Variants in ANKRD31 observed in about 807,000 individuals in gnomAD.
ANKRD31 encodes the protein ankyrin repeat domain 31.
A neutral mutation model predicts 186.0 loss-of-function variants in ANKRD31; 147 were observed. The ratio of observed to expected loss-of-function variants is 0.79; its 90% CI spans 0.69 to 0.91. ANKRD31 has a LOEUF of 0.91. Ranked by LOEUF, ANKRD31 falls within the 40% of genes least tolerant of loss-of-function variation. The pLI, the probability that ANKRD31 is intolerant of heterozygous loss-of-function variation, is 0.00. For synonymous variants in ANKRD31, 673 were observed against 736.4 expected (o/e 0.91, Z 1.39); for missense variants, 1,986 against 2,148.8 (o/e 0.92, Z 1.50).
chr5:75,146,268 T>A lies in ANKRD31; in HGVS notation c.3143A>T (p.Gln1048Leu). ...IPRAPTFLMN[Q>L]TDTHIVEKMA... ...CTTTTCCACAATATGTGTATCTGTTTGATTCATTAAAAAAGTTGGTGCTCT... is the reference window on the plus strand; with the variant it reads ...CTTTTCCACAATATGTGTATCTGTTAGATTCATTAAAAAAGTTGGTGCTCT... The change falls in exon 14 of 26, where the codon CAA (glutamine) becomes CTA (leucine). Residue 1048 changes from glutamine to leucine, a missense_variant. By Grantham distance (113) the Gln-to-Leu change is moderately radical. Transcript: ENST00000506364. The A allele has an allele frequency of 1.3e-6, 2 of 1,536,504 alleles. 1 individual carries two copies. The highest frequency in any genetic ancestry group is 2.4e-5 in the South Asian group (2 of 84,048).
At chr5:75,227,722 C>G (rs1443339534) in intron 2 of ANKRD31, among the ~76,000 whole-genome samples, 1 of 152,134 alleles carries the variant, frequency 6.6e-6, no homozygotes, top group African/African-American at 2.4e-5. Context: ...TCCTTTACTG[C>G]AGAGGTCCCC....
chr5:75,158,281 C>T (rs1752330446), intron 11 of ANKRD31, among the ~76,000 whole-genome samples: 1 of 152,090 alleles, frequency 6.6e-6, no homozygotes, highest in South Asian at 2.1e-4. Flanking sequence ...CAGTAATTGA[C>T]CACTAAATGG....
chr5:75,231,212 G>A (rs1757932910), intron 1 of ANKRD31, among the ~76,000 whole-genome samples: 1 of 151,914 alleles, frequency 6.6e-6, no homozygotes, highest in Admixed American at 6.6e-5. Context: ...TGGGACTACA[G>A]GTGTGCACCA....
At chr5:75,079,662 G>T (rs1282599822) in intron 25 of ANKRD31, among the ~76,000 whole-genome samples, 1 of 152,122 alleles carries the variant, frequency 6.6e-6, no homozygotes. Flanking sequence ...TTTTAGTAGA[G>T]ATGGGGTTTC....
chr5:75,150,627 T>C (rs1476470992), intron 12 of ANKRD31, among the ~76,000 whole-genome samples: 2 of 151,938 alleles, frequency 1.3e-5, no homozygotes, highest in African/African-American at 4.8e-5. Flanking sequence ...GGGATTCCTT[T>C]ACATGAAAGA....
Position 75,104,855 on chromosome 5 carries a change from T to C in ANKRD31, c.4704A>G (p.Glu1568=), listed in dbSNP as rs1015599121. ...CLNSEAVRRG[E]FSGNDMNSKQ... ...TAGAATTCATATCATTTCCAGAAAA[T>C]TCTCCCCTTCTCACTGCCTCTGAAT... The change falls in exon 22 of 26, where the codon GAA becomes GAG. Residue 1568 remains glutamate, a synonymous_variant. Coordinates refer to ENST00000506364, the MANE Select transcript of ANKRD31 (RefSeq NM_001372053.1). The C allele has an allele frequency of 6.5e-7, 1 of 1,537,212 alleles. No homozygotes were observed. The highest frequency in any genetic ancestry group is 1.2e-5 in the South Asian group (1 of 84,046).
At chr5:75,180,560 A>C (rs955800609) in intron 10 of ANKRD31, among the ~76,000 whole-genome samples, 1 of 152,184 alleles carries the variant, frequency 6.6e-6, no homozygotes, top group African/African-American at 2.4e-5. Context: ...AACAGAACAG[A>C]GCCCTCAGAA....
At chr5:75,174,998 G>C (rs1052669388) in intron 10 of ANKRD31, among the ~76,000 whole-genome samples, 1 of 152,210 alleles carries the variant, frequency 6.6e-6, no homozygotes. Context: ...ATCAGTGATA[G>C]ATTGGATTAA....
intron 15 of ANKRD31, among the ~76,000 whole-genome samples, chr5:75,141,586 C>T (rs776847827): frequency 1.3e-5 from 2 of 151,798 alleles, no homozygotes; most frequent in South Asian, 2.1e-4. Flanking sequence ...GTGAGTGAGT[C>T]GAGATCGTGC....
chr5:75,168,344 T>C (rs1753070356), intron 11 of ANKRD31, among the ~76,000 whole-genome samples: 1 of 152,234 alleles, frequency 6.6e-6, no homozygotes, highest in Admixed American at 6.5e-5. Flanking sequence ...TAACAAGATA[T>C]CTTCAGCAAG....
intron 10 of ANKRD31, among the ~76,000 whole-genome samples, chr5:75,185,431 G>A (rs545274493): frequency 5.3e-5 from 8 of 152,176 alleles, no homozygotes; most frequent in East Asian, 3.9e-4. Flanking sequence ...GGTGGCGGGC[G>A]CCTGTAATCC....
rs1436289648 is a variant in ANKRD31, at chr5:75,118,397, AG to A, written c.3877-101del. ...CTGCCAAGCATTAAAAGCTATCAAAAGAATGTTTTCAAACTCAGGTCAAGAA... is the reference window on the plus strand; with the variant it reads ...CTGCCAAGCATTAAAAGCTATCAAAAAATGTTTTCAAACTCAGGTCAAGAA... On this transcript the variant is annotated intron_variant, in intron 17 of 25. Transcript: ENST00000506364. 15 of 1,155,988 alleles carry A rather than the reference AG, an allele frequency of 1.3e-5. No homozygotes were observed. In the African/African-American group the frequency reaches 2.4e-4, roughly 18 times the overall value. The allele number at this position is 1,155,988 out of a possible 1,614,324, so 71.6% of individuals were successfully genotyped here.
At chr5:75,140,957 G>A (rs1751005795) in intron 15 of ANKRD31, among the ~76,000 whole-genome samples, 1 of 152,144 alleles carries the variant, frequency 6.6e-6, no homozygotes, top group Admixed American at 6.5e-5. Context: ...CCTGATTCCT[G>A]ACCTACAGAA....
At chr5:75,181,862 T>C (rs933932032) in intron 10 of ANKRD31, among the ~76,000 whole-genome samples, 1 of 148,080 alleles carries the variant, frequency 6.8e-6, no homozygotes, top group Non-Finnish European at 1.5e-5. Flanking sequence ...TGTGCACATG[T>C]ACCCTAAAAC....
intron 10 of ANKRD31, among the ~76,000 whole-genome samples, chr5:75,176,246 T>A (rs1283617512): frequency 1.3e-5 from 2 of 152,152 alleles, no homozygotes; most frequent in Non-Finnish European, 2.9e-5. Context: ...AAGCTCGAAC[T>A]GGGTGGAGCC....
intron 12 of ANKRD31, among the ~76,000 whole-genome samples, chr5:75,153,778 T>C (rs939569164): frequency 1.1e-4 from 16 of 152,164 alleles, no homozygotes; most frequent in Non-Finnish European, 1.5e-5. Context: ...TCAAGTTCTT[T>C]TGTTGTTCAA....
chr5:75,150,025 A>G (rs1751738751), intron 12 of ANKRD31, among the ~76,000 whole-genome samples: 1 of 151,832 alleles, frequency 6.6e-6, no homozygotes, highest in African/African-American at 2.4e-5. Flanking sequence ...ATTTAGTGAT[A>G]TAGCTATATT....
chr5:75,184,613 A>C (rs959569184), intron 10 of ANKRD31, among the ~76,000 whole-genome samples: 1 of 152,148 alleles, frequency 6.6e-6, no homozygotes, highest in Non-Finnish European at 1.5e-5. Flanking sequence ...TATACAAAAA[A>C]AGTGCTCAAC....
intron 22 of ANKRD31, among the ~76,000 whole-genome samples, chr5:75,095,219 CA>C (rs1362384223): frequency 6.6e-6 from 1 of 152,044 alleles, no homozygotes; most frequent in Non-Finnish European, 1.5e-5. Flanking sequence ...CCTGTAATCC[CA>C]GCACTTTGGG....
Sources: allele counts gnomAD v4.1 joint callset (sites outside exome capture counted in the v4.1 genomes callset), GRCh38; gene constraint gnomAD v4.1.1; transcripts MANE v1.5; gene names NCBI Gene and HGNC (gene_info 2026-07-23, HGNC 2026-07-21).